Variants in POMP observed in about 807,000 individuals in gnomAD.
The protein encoded by POMP is 2510048O06Rik.
POMP carries 12 observed loss-of-function variants against 20.6 expected under a neutral mutation model. That is an observed-to-expected ratio of 0.58 (90% CI 0.37 to 0.94). The LOEUF (loss-of-function observed/expected upper bound fraction) is 0.94. Among genes scored for constraint, POMP ranks in the 40% least tolerant of loss-of-function variants. POMP has a pLI of 0.01. For synonymous variants in POMP, 53 were observed against 55.0 expected (o/e 0.96, Z 0.16); for missense variants, 136 against 161.1 (o/e 0.84, Z 0.84).
chr13:28,666,811 T>C (rs1884456273), intron 3 of POMP, among the ~76,000 whole-genome samples: 1 of 152,188 alleles, frequency 6.6e-6, no homozygotes, highest in Admixed American at 6.5e-5. Flanking sequence ...GTACCAGTGG[T>C]TCTCAACTAG....
At chr13:28,675,036 C>G (rs948172191) in intron 5 of POMP, among the ~76,000 whole-genome samples, 1 of 151,954 alleles carries the variant, frequency 6.6e-6, no homozygotes, top group Admixed American at 6.6e-5. Flanking sequence ...GAAACCCTAT[C>G]TCAAAAAATA....
At chr13:28,670,360 C>A (rs1315590568) in intron 4 of POMP, among the ~76,000 whole-genome samples, 3 of 152,122 alleles carry the variant, frequency 2.0e-5, no homozygotes, top group Non-Finnish European at 4.4e-5. Context: ...TAACCTCTTC[C>A]CCTGCTCCCC....
intron 5 of POMP, among the ~76,000 whole-genome samples, chr13:28,675,980 C>A (rs1482884718): frequency 6.6e-6 from 1 of 152,112 alleles, no homozygotes; most frequent in East Asian, 1.9e-4. Context: ...GGTCCAGTTA[C>A]CTCCCTACAG....
At chr13:28,659,411 C>T (rs147053659) in intron 1 of POMP, among the ~76,000 whole-genome samples, 1 of 152,340 alleles carries the variant, frequency 6.6e-6, no homozygotes, top group Non-Finnish European at 1.5e-5. Context: ...CGGCTTCATC[C>T]TGCTCCTCTT....
chr13:28,671,780 C>G (rs1884551099), intron 4 of POMP, among the ~76,000 whole-genome samples: 1 of 151,968 alleles, frequency 6.6e-6, no homozygotes, highest in Non-Finnish European at 1.5e-5. Context: ...AGAAACTGCC[C>G]TCTTAGATTC....
chr13:28,672,252 G>A, intron 4 of POMP, 87 bp from the exon 5 acceptor site: 1 of 1,114,746 alleles, frequency 9.0e-7, no homozygotes. Context: ...TTCAAACAAA[G>A]AATAAAGAAC....
At chr13:28,671,240 A>G (rs1884540180) in intron 4 of POMP, among the ~76,000 whole-genome samples, 1 of 152,186 alleles carries the variant, frequency 6.6e-6, no homozygotes, top group Non-Finnish European at 1.5e-5. Flanking sequence ...TCTGAACCTT[A>G]GATTTTTTAA....
rs148976276 is a variant in POMP at position 28,669,424 on chromosome 13, G to T, written c.264+850G>T. On this transcript the variant is annotated intron_variant, in intron 4 of 5. Transcript: ENST00000380842. ...AGGATCTCATTCTGTCATCCAGGCT[G>T]GAGTGCAGTGGTATGATCATAGCTC... Among the ~76,000 whole-genome samples the T allele has an allele frequency of 1.6e-3, 250 of 152,152 alleles. 3 individuals carry two copies. The highest frequency in any genetic ancestry group is 5.8e-3 in the African/African-American group (242 of 41,506).
intron 3 of POMP, 144 bp downstream of exon 3, chr13:28,664,713 A>G (rs1327290777): frequency 6.8e-6 from 4 of 590,688 alleles, no homozygotes. Flanking sequence ...CCCTTGTAGG[A>G]TAGACTTAAA....
chr13:28,662,514 G>T lies in POMP; in HGVS notation c.101+7G>T. The T allele has an allele frequency of 6.3e-7, 1 of 1,594,250 alleles. No homozygotes were observed. The highest frequency in any genetic ancestry group is 8.6e-7 in the Non-Finnish European group (1 of 1,162,092). The stretch of plus-strand genomic sequence containing the variant: ...ATGATCTTCTTCGGAAAGGGTATAT[G>T]GGGGAGTTATGACTTTGATTTTGTT... On this transcript the variant is annotated splice_region_variant and intron_variant, in intron 2 of 5. Coordinates refer to ENST00000380842, the MANE Select transcript of POMP (RefSeq NM_015932.6).
chr13:28,659,935 C>G (rs1456442249), intron 1 of POMP: 1 of 152,270 alleles, frequency 6.6e-6, no homozygotes, highest in East Asian at 1.9e-4. Context: ...TACTGCTAAT[C>G]GTTATCTAAA....
chr13:28,659,909 A>C (rs1405252273), intron 1 of POMP: 2 of 152,216 alleles, frequency 1.3e-5, no homozygotes, highest in African/African-American at 4.8e-5. Context: ...AAATCTAGAA[A>C]GTTTCTATTG....
chr13:28,669,971 G>A (rs201163679), intron 4 of POMP, among the ~76,000 whole-genome samples: 4 of 152,214 alleles, frequency 2.6e-5, no homozygotes, highest in African/African-American at 4.8e-5. Flanking sequence ...TGTGCCAGCC[G>A]TGGTGGTGCA....
Position 28,678,517 on chromosome 13 carries a change from T to C in POMP, c.*415T>C, listed in dbSNP as rs1884670362. On this transcript the variant is annotated 3_prime_UTR_variant, in exon 6 of 6. Coordinates refer to ENST00000380842, the MANE Select transcript of POMP (RefSeq NM_015932.6). ...ATTGATTTCAGTGGCAACTCTCAAA[T>C]TGATTACAATATGAGATATATCAGT... 4.7e-6 allele frequency: 1 copy of C among 213,116 alleles called. No homozygotes were observed. The highest frequency in any genetic ancestry group is 9.5e-6 in the Non-Finnish European group (1 of 104,994). 13.2% of individuals were successfully genotyped at this position (213,116 alleles called of 1,614,324 possible). A position where few individuals can be genotyped will look rare whatever the true frequency, so the allele number is the denominator to read the frequency against.
At chr13:28,664,598 A>C in intron 3 of POMP, 29 bp downstream of exon 3, 1 of 1,247,666 alleles carries the variant, frequency 8.0e-7, no homozygotes, top group Non-Finnish European at 1.2e-6. Flanking sequence ...CCTTATTTTT[A>C]TCTTCTAATA....
intron 4 of POMP, among the ~76,000 whole-genome samples, chr13:28,670,768 C>T (rs1180308438): frequency 2.0e-5 from 3 of 152,234 alleles, no homozygotes; most frequent in Non-Finnish European, 4.4e-5. Flanking sequence ...TTCTATTGGC[C>T]GAGCTGGGTG....
chr13:28,676,282 G>A (rs1411486096), intron 5 of POMP, among the ~76,000 whole-genome samples: 1 of 152,148 alleles, frequency 6.6e-6, no homozygotes, highest in Non-Finnish European at 1.5e-5. Flanking sequence ...GGGATTACAA[G>A]CGTGGGCCAC....
chr13:28,659,932 A>G (rs937008286), intron 1 of POMP: 3 of 152,228 alleles, frequency 2.0e-5, no homozygotes, highest in Admixed American at 2.0e-4. Context: ...AAATACTGCT[A>G]ATCGTTATCT....
intron 2 of POMP, 38 bp from the exon 3 acceptor site, chr13:28,664,471 A>C: frequency 4.4e-6 from 6 of 1,371,280 alleles, no homozygotes; most frequent in Non-Finnish European, 6.2e-6. Context: ...AGTGATATTT[A>C]ATCTCCTCTA....
Sources: gnomAD v4.1 joint callset for allele counts (sites outside exome capture counted in the v4.1 genomes callset) on GRCh38, gnomAD v4.1.1 for gene constraint, MANE v1.5 for transcripts, NCBI Gene and HGNC (gene_info 2026-07-23, HGNC 2026-07-21) for gene names.